The following ZNF324B variants were observed in gnomAD, a reference collection of about 807,000 sequenced individuals.
The protein encoded by ZNF324B is zinc finger protein 324B.
ZNF324B carries 7 observed loss-of-function variants against 10.6 expected under a neutral mutation model. The observed-to-expected ratio is 0.66, with a 90% CI of 0.38 to 1.24. The LOEUF is 1.24. ZNF324B is among the 50% of genes most tolerant of loss of function. ZNF324B has a pLI of 0.02. For synonymous variants in ZNF324B, 316 were observed against 321.0 expected, an observed-to-expected ratio of 0.98 and a Z score of 0.17; for missense variants, 640 against 764.7, an observed-to-expected ratio of 0.84 and a Z score of 1.92.
the ZNF324B span, chr19:58,440,153 T>G: frequency 2.7e-6 from 1 of 363,808 alleles, no homozygotes. Flanking sequence ...AGGACCGCAA[T>G]GGCGGCGCCG....
In ZNF324B at chr19:58,456,586, AG is replaced by A; in HGVS notation, c.*9del. 1 of 1,611,128 alleles carries A rather than the reference AG, an allele frequency of 6.2e-7. No homozygotes were observed. Among genetic ancestry groups the A allele is most frequent in the East Asian group, 2.2e-5 (1 of 44,844 alleles). On this transcript the variant is annotated 3_prime_UTR_variant, in exon 4 of 4. Coordinates refer to ENST00000336614, the MANE Select transcript of ZNF324B (RefSeq NM_207395.3). The surrounding 1 kb of genome is among the most constrained non-coding windows in gnomAD (Gnocchi z 4.7). ...GAAGCCAGCGAAGGTCTGAGGTCAC[AG>A]GTCGCAGCCCAACCCTTTCTTGGCC...
chr19:58,427,504 T>TCCTTCCTTCCTTCCTTCCTTCC, the ZNF324B span, among the ~76,000 whole-genome samples: 2 of 104,546 alleles, frequency 1.9e-5, no homozygotes, highest in African/African-American at 1.0e-4. Context: ...CTTTCTTTCT[T>TCCTTCCTTCCTTCCTTCCTTCC]TTTCTTTCTT....
At chr19:58,427,046 C>A in the ZNF324B span, among the ~76,000 whole-genome samples, 3 of 152,164 alleles carry the variant, frequency 2.0e-5, no homozygotes, top group Non-Finnish European at 4.4e-5. Context: ...GAGACCCAGT[C>A]GGAGATCAGA....
chr19:58,421,164 G>A, the ZNF324B span, among the ~76,000 whole-genome samples: 3 of 152,020 alleles, frequency 2.0e-5, no homozygotes, highest in South Asian at 2.1e-4. Flanking sequence ...CCTGTCTTAC[G>A]GGGAAGTGCT....
the ZNF324B span, among the ~76,000 whole-genome samples, chr19:58,420,422 A>G: frequency 3.9e-5 from 6 of 151,910 alleles, no homozygotes; most frequent in African/African-American, 1.2e-4. Context: ...CTGTCTCAAA[A>G]AAAAAAAAAA....
At chr19:58,452,691 G>A (rs2052872316) in intron 1 of ZNF324B, 1 of 974,300 alleles carries the variant, frequency 1.0e-6, no homozygotes. Context: ...CACTGGACCT[G>A]ACGTTGTTGG....
chr19:58,455,453 A>G lies in ZNF324B; in HGVS notation c.509A>G (p.Lys170Arg), dbSNP rs760400189. ...CTGACCTCCCCACTCAGGCCCCCCA[A>G]GAGCAGCCGGCCCAGGGAAAAGACC... ...LRLTSPLRPP[K>R]SSRPREKTFT... The change falls in exon 4 of 4, where the codon AAG becomes AGG. Residue 170 changes from lysine to arginine, a missense_variant. Around this residue, in one of 3 missense-constraint regions of ZNF324B, gnomAD observed 345 missense variants for 387.9 expected, o/e 0.89. Transcript: ENST00000336614. The surrounding 1 kb of genome is among the most constrained non-coding windows in gnomAD (Gnocchi z 7.0). 37 of 1,614,016 alleles carry G rather than the reference A, an allele frequency of 2.3e-5. No individual in the cohort carries two copies. The highest frequency in any genetic ancestry group is 3.0e-5 in the Non-Finnish European group (35 of 1,179,998).
the ZNF324B span, chr19:58,442,636 A>G: frequency 6.7e-6 from 1 of 150,350 alleles, no homozygotes; most frequent in Non-Finnish European, 1.5e-5. Context: ...TGGCACATCC[A>G]GAGTTGTTCA....
At position 58,456,009 on chromosome 19, in the gene ZNF324B, C is replaced by T. The variant is rs372918962; in HGVS notation, c.1065C>T (p.Asn355=). The part of the protein sequence containing the change: ...ECGKAFSHGS[N]LSQHRKIHAG... ...GCAAGGCCTTCAGCCACGGCTCCAACCTCAGCCAGCACCGCAAGATCCACG... is the reference window on the plus strand; with the variant it reads ...GCAAGGCCTTCAGCCACGGCTCCAATCTCAGCCAGCACCGCAAGATCCACG... The change falls in exon 4 of 4, where the codon AAC becomes AAT. Residue 355 remains asparagine (N), a synonymous_variant. Coordinates refer to ENST00000336614, the MANE Select transcript of ZNF324B (RefSeq NM_207395.3). The surrounding 1 kb of genome is among the most constrained non-coding windows in gnomAD (Gnocchi z 4.7). The T allele has an allele frequency of 1.8e-4, 293 of 1,598,064 alleles. 2 individuals are homozygous for T. The South Asian group carries it at 2.2e-3, about 12-fold the overall frequency.
At chr19:58,434,550 C>G in the ZNF324B span, 1 of 1,614,140 alleles carries the variant, frequency 6.2e-7, no homozygotes, top group Non-Finnish European at 8.5e-7. Context: ...GACTAAAGGC[C>G]TTCCCACACT....
the ZNF324B span, chr19:58,445,010 C>T: frequency 9.5e-6 from 2 of 210,648 alleles, no homozygotes; most frequent in South Asian, 6.8e-5. Context: ...AATGGTCATA[C>T]CCTAATGAAG....
rs2052901459 is a variant in ZNF324B at position 58,455,118 on chromosome 19, C to T, written c.239-65C>T. The stretch of plus-strand genomic sequence containing the variant: ...TCCTGGGCTCCCCCTTGCCTGTCCA[C>T]TCAGCCTGCCCTGGTCCTCTCCTAA... On this transcript the variant is annotated intron_variant, in intron 3 of 3. Coordinates refer to ENST00000336614, the MANE Select transcript of ZNF324B (RefSeq NM_207395.3). The surrounding 1 kb of genome is among the most constrained non-coding windows in gnomAD (Gnocchi z 7.0). 2 of 1,610,328 alleles carry T rather than the reference C, an allele frequency of 1.2e-6. No individual in the cohort carries two copies. Among genetic ancestry groups the T allele is most frequent in the East Asian group, 2.2e-5 (1 of 44,858 alleles).
chr19:58,435,324 G>T, the ZNF324B span: 2 of 1,251,060 alleles, frequency 1.6e-6, no homozygotes, highest in Non-Finnish European at 2.2e-6. Context: ...AGGGATTGCT[G>T]ACAGGCCAAC....
At chr19:58,439,740 T>G in the ZNF324B span, 39 of 1,516,866 alleles carry the variant, frequency 2.6e-5, no homozygotes, top group Non-Finnish European at 3.2e-5. Flanking sequence ...GGTGAGGGCC[T>G]GGGGCACACT....
chr19:58,432,833 TTTA>T, the ZNF324B span: 2 of 167,100 alleles, frequency 1.2e-5, no homozygotes, highest in African/African-American at 4.8e-5. Context: ...CAATAAGGTC[TTTA>T]TTATCACCAG....
At chr19:58,435,663 TA>T in the ZNF324B span, 1 of 158,740 alleles carries the variant, frequency 6.3e-6, no homozygotes, top group Non-Finnish European at 1.4e-5. Context: ...GACAGGGATG[TA>T]AAATGGTGCA....
rs368326199 is a variant in ZNF324B, at chr19:58,456,194, G to A, written c.1250G>A (p.Arg417His). ...SQGSSLFLHQRVHTGEKPFAC... is the reference protein window; with the variant it reads ...SQGSSLFLHQHVHTGEKPFAC... ...GGCTCCTCGCTCTTTTTGCACCAGC[G>A]CGTGCACACAGGCGAGAAGCCCTTC... is the stretch of plus-strand genomic sequence containing the variant. The change falls in exon 4 of 4, where the codon CGC (arginine) becomes CAC (histidine). Residue 417 changes from arginine to histidine, a missense_variant. Transcript: ENST00000336614. This position sits in a 1 kb window ranked among gnomAD's most constrained non-coding sequence, Gnocchi z 4.7. 24 of 1,613,136 alleles carry A rather than the reference G, an allele frequency of 1.5e-5. No homozygotes were observed. Among genetic ancestry groups the A allele is most frequent in the Non-Finnish European group, 1.9e-5 (23 of 1,179,842 alleles).
chr19:58,457,803 T>G lies in ZNF324B; in HGVS notation c.*1224T>G, dbSNP rs2122381684. On this transcript the variant is annotated 3_prime_UTR_variant, in exon 4 of 4. Transcript: ENST00000336614. ...AATGGAGAAAAAAAAAGACTAGTAT[T>G]TGCAACTTCAAATAGATGTAGTTTC... 6.6e-6 allele frequency: 1 copy of G among 152,290 alleles called. No homozygotes were observed. Among genetic ancestry groups the G allele is most frequent in the East Asian group, 1.9e-4 (1 of 5,176 alleles). 9.4% of individuals were successfully genotyped at this position (152,290 alleles called of 1,614,324 possible).
rs1482598431 is a variant in ZNF324B at position 58,456,008 on chromosome 19, A to G, written c.1064A>G (p.Asn355Ser). 1 of 1,597,662 alleles carries G rather than the reference A, an allele frequency of 6.3e-7. No individual in the cohort carries two copies. The highest frequency in any genetic ancestry group is 1.3e-5 in the African/African-American group (1 of 74,528). Residue 355 changes from asparagine (N) to serine (S), a missense_variant, in exon 4 of 4, where the codon AAC (asparagine) becomes AGC (serine). Around this residue, in one of 3 missense-constraint regions of ZNF324B, gnomAD observed 57 missense variants for 118.8 expected, o/e 0.48. Transcript: ENST00000336614. The surrounding 1 kb of genome is among the most constrained non-coding windows in gnomAD (Gnocchi z 4.7). ...GGCAAGGCCTTCAGCCACGGCTCCA[A>G]CCTCAGCCAGCACCGCAAGATCCAC... ...ECGKAFSHGS[N>S]LSQHRKIHAG... is the part of the protein sequence containing the mutation.
Sources: allele counts gnomAD v4.1 joint callset (sites outside exome capture counted in the v4.1 genomes callset), GRCh38; gene constraint gnomAD v4.1.1; regional missense constraint gnomAD v4.1.1; non-coding constraint Gnocchi (gnomAD v3.1); transcripts MANE v1.5; gene names NCBI Gene and HGNC (gene_info 2026-07-23, HGNC 2026-07-21).